Variants in FNDC3A observed in about 807,000 individuals in gnomAD.
FNDC3A encodes the protein fibronectin type III domain containing 3A.
In FNDC3A, 32 loss-of-function variants were observed where a neutral mutation model predicts 148.9. The observed-to-expected ratio is 0.21, with a 90% CI of 0.16 to 0.29. The LOEUF is 0.29. Ranked by LOEUF, FNDC3A falls within the 10% of genes least tolerant of loss-of-function variation. FNDC3A has a pLI of 1.00. For synonymous variants in FNDC3A, 472 were observed against 473.6 expected (o/e 1.00, Z 0.04); for missense variants, 1,191 against 1,452.8 (o/e 0.82, Z 2.93).
At chr13:49,186,234 A>G in intron 15 of FNDC3A, 132 bp downstream of exon 15, 1 of 697,766 alleles carries the variant, frequency 1.4e-6, no homozygotes, top group Non-Finnish European at 2.4e-6. Flanking sequence ...TGTGAGAGTC[A>G]TTCATTGGGT....
chr13:49,083,851 G>A (rs918456259), intron 3 of FNDC3A, among the ~76,000 whole-genome samples: 2 of 152,220 alleles, frequency 1.3e-5, no homozygotes, highest in African/African-American at 4.8e-5. Flanking sequence ...AGTAATTCCA[G>A]CATAGAAAGA....
At chr13:49,157,968 CTT>C (rs1191475376) in intron 8 of FNDC3A, among the ~76,000 whole-genome samples, 1 of 149,612 alleles carries the variant, frequency 6.7e-6, no homozygotes, top group East Asian at 2.0e-4. Flanking sequence ...TTACTGCTGT[CTT>C]TTTGTTTGTC....
At chr13:49,173,780 A>G (rs1217324198) in intron 11 of FNDC3A, among the ~76,000 whole-genome samples, 1 of 152,190 alleles carries the variant, frequency 6.6e-6, no homozygotes, top group African/African-American at 2.4e-5. Flanking sequence ...AGTCACCCTA[A>G]CTACCATTTT....
rs573259902 is a variant in FNDC3A, at chr13:49,119,784, T to G, written c.252+5053T>G. Among the ~76,000 whole-genome samples, 21 of 151,946 alleles carry G rather than the reference T, an allele frequency of 1.4e-4. No homozygotes were observed. In the South Asian group the frequency reaches 4.2e-3, roughly 30 times the overall value. Reference sequence around the variant, plus strand: ...ATGAAATAAAGTGTGAAGACAAGATTAGAGAGACAAGAATGAAAATGAACG... The same window carrying G: ...ATGAAATAAAGTGTGAAGACAAGATGAGAGAGACAAGAATGAAAATGAACG... On this transcript the variant is annotated intron_variant, in intron 4 of 25. Coordinates refer to ENST00000492622, the MANE Select transcript of FNDC3A (RefSeq NM_001079673.2).
intron 3 of FNDC3A, among the ~76,000 whole-genome samples, chr13:49,105,515 C>G (rs1175263708): frequency 4.6e-5 from 7 of 152,162 alleles, no homozygotes; most frequent in East Asian, 3.9e-4. Context: ...ACCAAAGACT[C>G]TGGAATTTGT....
chr13:49,067,597 A>G (rs1262453932), intron 2 of FNDC3A, among the ~76,000 whole-genome samples: 1 of 152,204 alleles, frequency 6.6e-6, no homozygotes, highest in East Asian at 1.9e-4. Context: ...GCTCAAGGTC[A>G]TCGCCAAGGT....
chr13:49,099,941 G>A (rs1879759888), intron 3 of FNDC3A, among the ~76,000 whole-genome samples: 1 of 152,000 alleles, frequency 6.6e-6, no homozygotes, highest in Non-Finnish European at 1.5e-5. Context: ...GAAGGTATCA[G>A]CAGCTTTAAG....
chr13:49,205,822 C>A (rs149993599), intron 25 of FNDC3A, among the ~76,000 whole-genome samples: 70 of 152,148 alleles, frequency 4.6e-4, no homozygotes, highest in Non-Finnish European at 8.7e-4. Flanking sequence ...TTATTTATTG[C>A]CAATAATTCA....
chr13:48,997,586 T>G (rs1326039088), intron 1 of FNDC3A, among the ~76,000 whole-genome samples: 1 of 152,122 alleles, frequency 6.6e-6, no homozygotes, highest in Non-Finnish European at 1.5e-5. Flanking sequence ...AGAAGAGACT[T>G]GAGCTTGCAT....
At chr13:49,005,434 A>G (rs1414262812) in intron 1 of FNDC3A, among the ~76,000 whole-genome samples, 1 of 151,930 alleles carries the variant, frequency 6.6e-6, no homozygotes, top group Non-Finnish European at 1.5e-5. Flanking sequence ...TATTGCTTAC[A>G]TCATCTTTTA....
intron 1 of FNDC3A, among the ~76,000 whole-genome samples, chr13:49,004,233 CAG>C (rs1248989328): frequency 3.3e-5 from 5 of 152,036 alleles, no homozygotes; most frequent in Admixed American, 6.6e-5. Flanking sequence ...AAGAAGCTGA[CAG>C]TATTCTCTAC....
chr13:49,034,957 G>A (rs761025449), intron 2 of FNDC3A, among the ~76,000 whole-genome samples: 38 of 152,028 alleles, frequency 2.5e-4, no homozygotes, highest in Middle Eastern at 3.4e-3. Flanking sequence ...TTGATACCCT[G>A]GACTTATTTT....
At chr13:49,201,713 A>C (rs1284902909) in intron 23 of FNDC3A, 87 bp from the exon 24 acceptor site, 1 of 605,156 alleles carries the variant, frequency 1.7e-6, no homozygotes, top group Non-Finnish European at 2.6e-6. Flanking sequence ...AATGTTCATA[A>C]CTGTGTTTTT....
At chr13:49,184,344 C>G (rs1197029913) in intron 14 of FNDC3A, among the ~76,000 whole-genome samples, 1 of 152,034 alleles carries the variant, frequency 6.6e-6, no homozygotes, top group African/African-American at 2.4e-5. Flanking sequence ...AGTTGGGGGT[C>G]AAGGGCAAGA....
At chr13:49,086,475 T>G (rs1477179467) in intron 3 of FNDC3A, among the ~76,000 whole-genome samples, 1 of 152,230 alleles carries the variant, frequency 6.6e-6, no homozygotes, top group Non-Finnish European at 1.5e-5. Context: ...ATGTCTTAAA[T>G]GTATTTTAAT....
At chr13:49,095,993 T>C (rs1879502081) in intron 3 of FNDC3A, among the ~76,000 whole-genome samples, 2 of 152,098 alleles carry the variant, frequency 1.3e-5, no homozygotes, top group Non-Finnish European at 1.5e-5. Flanking sequence ...CCTAGATATA[T>C]AGAGATAGAA....
chr13:49,111,189 A>G (rs1183145278), intron 3 of FNDC3A, among the ~76,000 whole-genome samples: 1 of 152,226 alleles, frequency 6.6e-6, no homozygotes, highest in Non-Finnish European at 1.5e-5. Context: ...TTCTAAATTA[A>G]AAAGTATTGT....
At chr13:49,201,609 T>A (rs1886421144) in intron 23 of FNDC3A, among the ~76,000 whole-genome samples, 191 bp from the exon 24 acceptor site, 1 of 152,266 alleles carries the variant, frequency 6.6e-6, no homozygotes, top group East Asian at 1.9e-4. Context: ...TTACCAAATA[T>A]CCTATTTTTC....
intron 2 of FNDC3A, among the ~76,000 whole-genome samples, chr13:49,058,789 T>C (rs1357364788): frequency 2.0e-5 from 3 of 152,234 alleles, no homozygotes; most frequent in African/African-American, 7.2e-5. Flanking sequence ...GATTCATCTT[T>C]TAGTATGTTG....
Sources: allele counts gnomAD v4.1 joint callset (sites outside exome capture counted in the v4.1 genomes callset), GRCh38; gene constraint gnomAD v4.1.1; transcripts MANE v1.5; gene names NCBI Gene and HGNC (gene_info 2026-07-23, HGNC 2026-07-21).